SNX29: variants seen among roughly 807,000 people sequenced by gnomAD.
SNX29 encodes the protein sorting nexin-29.
SNX29 carries 78 observed loss-of-function variants against 102.1 expected under a neutral mutation model. That is an observed-to-expected ratio of 0.76 (90% CI 0.64 to 0.92). The LOEUF (loss-of-function observed/expected upper bound fraction) is 0.92, where lower values mean the gene tolerates loss of function less well. Among genes scored for constraint, SNX29 ranks in the 40% least tolerant of loss-of-function variants. The probability of loss-of-function intolerance (pLI) is 0.00; values close to 1 mark genes in which losing one functional copy is unlikely to be tolerated. For synonymous variants in SNX29, 580 were observed against 414.5 expected, an observed-to-expected ratio of 1.40 and a Z score of -4.85; for missense variants, 1,280 against 1,061.7, an observed-to-expected ratio of 1.21 and a Z score of -2.86.
In SNX29 at chr16:12,061,599, C is replaced by T; in HGVS notation, c.1196C>T (p.Ser399Phe). Residue 399 changes from serine (S) to phenylalanine (F), a missense_variant, in exon 9 of 21, where the codon TCC becomes TTC. Transcript: ENST00000566228. ...CCGCTGAAGGTGCTGCACAATGACT[C>T]CGACATCCTCTTCCCTGTCAGTGGC... ...WAPLKVLHND[S>F]DILFPVSGVG... 1.2e-6 allele frequency: 2 copies of T among 1,612,168 alleles called. No individual in the cohort carries two copies. Among genetic ancestry groups the T allele is most frequent in the East Asian group, 2.2e-5 (1 of 44,876 alleles).
intron 11 of SNX29, chr16:12,093,736 C>G (rs1453354500): frequency 6.6e-6 from 1 of 152,168 alleles, no homozygotes; most frequent in Non-Finnish European, 1.5e-5. Context: ...TCTGTTGTAT[C>G]TGGGAACCTC....
Position 12,019,585 on chromosome 16 carries a change from T to TAG in SNX29, c.123-7734_123-7733insGA, listed in dbSNP as rs1555520293. On this transcript the variant is annotated intron_variant, in intron 3 of 20. Transcript: ENST00000566228. ...TTTGGAATTGTTATATATGTAAATA[T>TAG]ATATATATAGATAGATAGATAGATA... 5.8e-3 allele frequency among the ~76,000 whole-genome samples: 809 copies of TAG among 140,346 alleles called. 4 individuals carry two copies. The highest frequency in any genetic ancestry group is 0.013 in the African/African-American group (469 of 36,072). 92.1% of individuals were successfully genotyped at this position (140,346 alleles called of 152,430 possible).
intron 15 of SNX29, among the ~76,000 whole-genome samples, chr16:12,302,024 G>T (rs1028401228): frequency 6.6e-6 from 1 of 152,162 alleles, no homozygotes; most frequent in Non-Finnish European, 1.5e-5. Context: ...TTAGAATCTG[G>T]TTCTGTCTCA....
At chr16:12,118,905 A>G (rs1054272240) in intron 11 of SNX29, among the ~76,000 whole-genome samples, 5 of 151,884 alleles carry the variant, frequency 3.3e-5, no homozygotes, top group East Asian at 1.9e-4. Context: ...GCCCCTTCCA[A>G]CTCTACACTT....
intron 15 of SNX29, among the ~76,000 whole-genome samples, chr16:12,286,811 T>G (rs889233049): frequency 6.6e-6 from 1 of 152,242 alleles, no homozygotes; most frequent in Non-Finnish European, 1.5e-5. Context: ...CAGCCTCTCA[T>G]GGTATTTTGA....
intron 17 of SNX29, among the ~76,000 whole-genome samples, chr16:12,402,190 C>G (rs1438751963): frequency 6.6e-6 from 1 of 152,178 alleles, no homozygotes; most frequent in Non-Finnish European, 1.5e-5. Context: ...GTTTAATTTA[C>G]CCCTCAAAGG....
In SNX29 at chr16:12,287,837, C is replaced by A. The variant is rs7194981; in HGVS notation, c.1782+9801C>A. Among the ~76,000 whole-genome samples, 18 of 152,026 alleles carry A rather than the reference C, an allele frequency of 1.2e-4. No individual in the cohort carries two copies. The South Asian group carries it at 3.7e-3, about 32-fold the overall frequency. ...TCCCTGCCTCTCCCTTTCTTCCTTA[C>A]GTGTCATTTATTAGTTGAAGAACCT... On this transcript the variant is annotated intron_variant, in intron 15 of 20. Transcript: ENST00000566228.
intron 18 of SNX29, among the ~76,000 whole-genome samples, chr16:12,409,421 CTTTTTTTTTTTT>C (rs71139589): frequency 1.1e-4 from 10 of 89,646 alleles, no homozygotes; most frequent in African/African-American, 3.6e-4. Flanking sequence ...GATTCACTGT[CTTTTTTTTTTTT>C]TTTTTTTTTT....
chr16:12,062,111 T>G (rs1464722390), intron 9 of SNX29, among the ~76,000 whole-genome samples: 2 of 151,946 alleles, frequency 1.3e-5, no homozygotes, highest in Non-Finnish European at 2.9e-5. Flanking sequence ...GGGTGCGATA[T>G]CTCATGCCTG....
chr16:12,249,144 G>A (rs2078347984), intron 14 of SNX29, among the ~76,000 whole-genome samples: 1 of 152,194 alleles, frequency 6.6e-6, no homozygotes, highest in African/African-American at 2.4e-5. Context: ...TGATGATTGA[G>A]GCAGCTGTGA....
At chr16:12,252,595 T>TACAC (rs2078453506) in intron 14 of SNX29, among the ~76,000 whole-genome samples, 1 of 152,238 alleles carries the variant, frequency 6.6e-6, no homozygotes, top group Non-Finnish European at 1.5e-5. Flanking sequence ...CCTGAACGTG[T>TACAC]GTGCATTTCC....
intron 18 of SNX29, among the ~76,000 whole-genome samples, chr16:12,412,079 G>A (rs994299053): frequency 1.3e-5 from 2 of 152,184 alleles, no homozygotes; most frequent in Non-Finnish European, 2.9e-5. Context: ...GGACCTCCAT[G>A]AAAGCAACCG....
At chr16:12,168,470 T>C (rs1247697597) in intron 13 of SNX29, among the ~76,000 whole-genome samples, 3 of 152,206 alleles carry the variant, frequency 2.0e-5, no homozygotes, top group Non-Finnish European at 4.4e-5. Context: ...CCCCATGTTG[T>C]TGCTCCTATT....
intron 13 of SNX29, among the ~76,000 whole-genome samples, chr16:12,187,130 G>A (rs2076530450): frequency 6.6e-6 from 1 of 152,226 alleles, no homozygotes; most frequent in South Asian, 2.1e-4. Context: ...GCCTGGTTTT[G>A]AGTCCTGGAC....
intron 19 of SNX29, among the ~76,000 whole-genome samples, chr16:12,512,369 AATATATATAT>A (rs58157322): frequency 0.12 from 5,032 of 43,036 alleles, 428 homozygotes; most frequent in East Asian, 0.19. Flanking sequence ...GCCCAGGGAA[AATATATATAT>A]ATATATATAT....
At chr16:12,213,572 G>C (rs558739396) in intron 14 of SNX29, among the ~76,000 whole-genome samples, 1 of 152,344 alleles carries the variant, frequency 6.6e-6, no homozygotes, top group African/African-American at 2.4e-5. Context: ...GCAGTGGTTG[G>C]TGTTGTGGGT....
intron 15 of SNX29, among the ~76,000 whole-genome samples, chr16:12,292,301 T>C (rs1427071229): frequency 6.6e-6 from 1 of 152,212 alleles, no homozygotes; most frequent in Non-Finnish European, 1.5e-5. Context: ...CTGTTTGTCA[T>C]TCCTACTAGA....
At chr16:12,264,365 C>G (rs1036824350) in intron 14 of SNX29, among the ~76,000 whole-genome samples, 1 of 152,174 alleles carries the variant, frequency 6.6e-6, no homozygotes, top group South Asian at 2.1e-4. Flanking sequence ...AGTAATTTCC[C>G]GAGGAAGGCT....
intron 15 of SNX29, among the ~76,000 whole-genome samples, chr16:12,298,607 A>G (rs2080059057): frequency 6.6e-6 from 1 of 152,132 alleles, no homozygotes; most frequent in South Asian, 2.1e-4. Context: ...CCTTAAATAT[A>G]TATGCATGTT....
Sources: allele counts gnomAD v4.1 joint callset (sites outside exome capture counted in the v4.1 genomes callset), GRCh38; gene constraint gnomAD v4.1.1; transcripts MANE v1.5; gene names NCBI Gene and HGNC (gene_info 2026-07-23, HGNC 2026-07-21).